PDGFD: variants seen among roughly 807,000 people sequenced by gnomAD.
The protein encoded by PDGFD is platelet derived growth factor D, also known as platelet-derived growth factor D.
A neutral mutation model predicts 44.7 loss-of-function variants in PDGFD; 30 were observed. The ratio of observed to expected loss-of-function variants is 0.67; its 90% confidence interval spans 0.50 to 0.91. The LOEUF (loss-of-function observed/expected upper bound fraction) is 0.91, where lower values mean the gene tolerates loss of function less well. Ranked by LOEUF, PDGFD falls within the 40% of genes least tolerant of loss-of-function variation. PDGFD has a pLI of 0.00. For synonymous variants in PDGFD, 173 were observed against 168.4 expected, an observed-to-expected ratio of 1.03 and a Z score of -0.21; for missense variants, 445 against 457.8, an observed-to-expected ratio of 0.97 and a Z score of 0.25.
At chr11:103,965,578 T>C (rs1859005949) in intron 3 of PDGFD, among the ~76,000 whole-genome samples, 1 of 152,124 alleles carries the variant, frequency 6.6e-6, no homozygotes, top group South Asian at 2.1e-4. Flanking sequence ...AAGAATACAA[T>C]TGATATTCAA....
intron 1 of PDGFD, among the ~76,000 whole-genome samples, chr11:104,157,044 T>C (rs1425948786): frequency 2.6e-5 from 4 of 152,204 alleles, no homozygotes; most frequent in African/African-American, 9.7e-5. Context: ...AATTCTGAAA[T>C]GTAGCTATTT....
intron 1 of PDGFD, among the ~76,000 whole-genome samples, chr11:104,035,386 AC>A (rs1860209458): frequency 6.6e-6 from 1 of 151,194 alleles, no homozygotes; most frequent in Non-Finnish European, 1.5e-5. Flanking sequence ...GACTTTCCAC[AC>A]TCTAGCAACA....
intron 1 of PDGFD, among the ~76,000 whole-genome samples, chr11:104,020,399 G>C (rs1352953214): frequency 1.3e-5 from 2 of 151,934 alleles, no homozygotes. Context: ...ATGATTTATT[G>C]ATAGGTTCTA....
intron 1 of PDGFD, among the ~76,000 whole-genome samples, chr11:104,061,390 C>A (rs1446657439): frequency 6.6e-6 from 1 of 151,996 alleles, no homozygotes; most frequent in African/African-American, 2.4e-5. Flanking sequence ...CCCATATAAC[C>A]AATGATATGC....
chr11:104,055,314 G>T (rs1860602404), intron 1 of PDGFD, among the ~76,000 whole-genome samples: 1 of 152,146 alleles, frequency 6.6e-6, no homozygotes, highest in South Asian at 2.1e-4. Context: ...GTTTTTCATT[G>T]TTGTATGTTT....
intron 1 of PDGFD, chr11:104,037,300 C>T (rs1860263475): frequency 1.2e-6 from 2 of 1,613,606 alleles, no homozygotes; most frequent in East Asian, 4.5e-5. Flanking sequence ...TCTGTCCCTG[C>T]TCAAGGAACG....
At chr11:104,004,032 T>A (rs1386007534) in intron 1 of PDGFD, among the ~76,000 whole-genome samples, 1 of 152,186 alleles carries the variant, frequency 6.6e-6, no homozygotes, top group African/African-American at 2.4e-5. Context: ...AACTTGGTAA[T>A]AACAAAGTCA....
chr11:103,947,276 G>C lies in PDGFD; in HGVS notation c.573+386C>G, dbSNP rs572880624. Among the ~76,000 whole-genome samples the C allele has an allele frequency of 2.0e-5, 3 of 152,278 alleles. No individual in the cohort carries two copies. The East Asian group carries it at 5.8e-4, about 29-fold the overall frequency. On this transcript the variant is annotated intron_variant, in intron 4 of 6. Coordinates refer to ENST00000393158, the MANE Select transcript of PDGFD (RefSeq NM_025208.5). ...TGAAAAGACCCTTGAAAATGCAAAGGTTAACGTCTTCCCCAGGAATATTCG... is the reference window on the plus strand; with the variant it reads ...TGAAAAGACCCTTGAAAATGCAAAGCTTAACGTCTTCCCCAGGAATATTCG...
At chr11:103,993,937 A>C (rs184300296) in intron 3 of PDGFD, among the ~76,000 whole-genome samples, 81 of 152,276 alleles carry the variant, frequency 5.3e-4, no homozygotes, top group African/African-American at 1.7e-3. Flanking sequence ...CAAAAAAAAA[A>C]CACAAAATTG....
chr11:104,084,856 A>C (rs752402212), intron 1 of PDGFD, among the ~76,000 whole-genome samples: 105 of 128,378 alleles, frequency 8.2e-4, no homozygotes, highest in Admixed American at 2.4e-3. Context: ...TATATTTTAA[A>C]ATATAATATA....
At position 104,076,605 on chromosome 11, in the gene PDGFD, G is replaced by GA. The variant is rs968776235; in HGVS notation, c.125-76351dup. Among the ~76,000 whole-genome samples, 5 of 150,524 alleles carry GA rather than the reference G, an allele frequency of 3.3e-5. No homozygotes were observed. In the East Asian group the frequency reaches 7.7e-4, roughly 23 times the overall value. On this transcript the variant is annotated intron_variant, in intron 1 of 6. Coordinates refer to ENST00000393158, the MANE Select transcript of PDGFD (RefSeq NM_025208.5). ...ATACCTGAATCTCCCAGGAAGCTTT[G>GA]AAAAAAAAATCAATCCAAGGAGGCT...
At chr11:104,163,703 C>T in intron 1 of PDGFD, 101 bp downstream of exon 1, 1 of 1,353,452 alleles carries the variant, frequency 7.4e-7, no homozygotes, top group East Asian at 2.5e-5. Flanking sequence ...AGCCCGAGTT[C>T]ACATTCAAGA....
intron 1 of PDGFD, among the ~76,000 whole-genome samples, chr11:104,091,604 G>C (rs1861213597): frequency 6.6e-6 from 1 of 152,186 alleles, no homozygotes; most frequent in Non-Finnish European, 1.5e-5. Flanking sequence ...AGTTTTCACA[G>C]CTTGCTGCAA....
At chr11:103,965,169 C>G (rs1858996592) in intron 3 of PDGFD, among the ~76,000 whole-genome samples, 1 of 152,130 alleles carries the variant, frequency 6.6e-6, no homozygotes, top group South Asian at 2.1e-4. Flanking sequence ...ACTCTGCTCT[C>G]TCTGCATTTG....
chr11:103,981,923 G>A (rs917448903), intron 3 of PDGFD, among the ~76,000 whole-genome samples: 2 of 151,852 alleles, frequency 1.3e-5, no homozygotes, highest in African/African-American at 2.4e-5. Flanking sequence ...ACAGTCTCAT[G>A]TAAGGTCAGG....
At chr11:103,991,542 T>C (rs1282120990) in intron 3 of PDGFD, among the ~76,000 whole-genome samples, 1 of 152,212 alleles carries the variant, frequency 6.6e-6, no homozygotes, top group South Asian at 2.1e-4. Context: ...TTTCAATGTA[T>C]AAAATAAAGT....
chr11:103,965,691 T>C (rs1859008148), intron 3 of PDGFD, among the ~76,000 whole-genome samples: 1 of 152,196 alleles, frequency 6.6e-6, no homozygotes, highest in Non-Finnish European at 1.5e-5. Flanking sequence ...GTCTATCACA[T>C]TCACATACTG....
At chr11:104,126,642 T>C (rs900093093) in intron 1 of PDGFD, among the ~76,000 whole-genome samples, 1 of 152,130 alleles carries the variant, frequency 6.6e-6, no homozygotes, top group Non-Finnish European at 1.5e-5. Flanking sequence ...GGAACATATA[T>C]GTAGAGCATA....
chr11:104,136,325 T>C (rs1469103287), intron 1 of PDGFD, among the ~76,000 whole-genome samples: 4 of 152,168 alleles, frequency 2.6e-5, no homozygotes, highest in Non-Finnish European at 5.9e-5. Context: ...GGCTTCCAGT[T>C]AAACATGACA....
Sources: gnomAD v4.1 joint callset for allele counts (sites outside exome capture counted in the v4.1 genomes callset) on GRCh38, gnomAD v4.1.1 for gene constraint, MANE v1.5 for transcripts, NCBI Gene and HGNC (gene_info 2026-07-23, HGNC 2026-07-21) for gene names.